The following EYS variants were observed in gnomAD, a reference collection of about 807,000 sequenced individuals.
The protein encoded by EYS is protein eyes shut homolog.
In EYS, 250 loss-of-function variants were observed where a neutral mutation model predicts 282.1. That is an observed-to-expected ratio of 0.89 (90% CI 0.80 to 0.98). EYS has a LOEUF of 0.98. Among genes scored for constraint, EYS ranks in the 50% least tolerant of loss-of-function variants. The pLI is 0.00. For missense variants in EYS, 4,016 were observed against 3,709.0 expected, an observed-to-expected ratio of 1.08 and a Z score of -2.15; for synonymous variants, 1,355 against 1,282.9, an observed-to-expected ratio of 1.06 and a Z score of -1.20.
intron 14 of EYS, among the ~76,000 whole-genome samples, chr6:64,969,012 T>C (rs1230390198): frequency 6.6e-6 from 1 of 152,106 alleles, no homozygotes; most frequent in Non-Finnish European, 1.5e-5. Flanking sequence ...ATAATTGCTG[T>C]TCAAATTGTC....
At chr6:64,409,681 T>C (rs931899786) in intron 28 of EYS, among the ~76,000 whole-genome samples, 1 of 152,138 alleles carries the variant, frequency 6.6e-6, no homozygotes, top group Admixed American at 6.6e-5. Context: ...ATTGGCTTGT[T>C]TCAGAAAGTA....
intron 11 of EYS, among the ~76,000 whole-genome samples, chr6:65,325,164 C>T (rs1190998738): frequency 6.6e-6 from 1 of 152,110 alleles, no homozygotes; most frequent in Non-Finnish European, 1.5e-5. Context: ...TCTCCTCCTC[C>T]TCCTTACTCT....
intron 13 of EYS, among the ~76,000 whole-genome samples, chr6:65,037,405 C>A (rs1772802420): frequency 6.6e-6 from 1 of 151,736 alleles, no homozygotes; most frequent in Non-Finnish European, 1.5e-5. Flanking sequence ...GTACACCAAA[C>A]CTCCATGACA....
intron 32 of EYS, among the ~76,000 whole-genome samples, chr6:64,068,036 G>T (rs1018941930): frequency 1.3e-5 from 2 of 152,048 alleles, no homozygotes; most frequent in African/African-American, 2.4e-5. Flanking sequence ...CTGTCAGAAA[G>T]TATAAATATG....
chr6:64,203,593 C>T (rs768415087), intron 31 of EYS, among the ~76,000 whole-genome samples: 2 of 152,006 alleles, frequency 1.3e-5, no homozygotes, highest in Non-Finnish European at 2.9e-5. Flanking sequence ...CCTCTGACCA[C>T]GTTTTTCTGT....
intron 31 of EYS, among the ~76,000 whole-genome samples, chr6:64,222,346 G>A (rs529931339): frequency 2.6e-5 from 4 of 152,156 alleles, no homozygotes; most frequent in East Asian, 1.9e-4. Context: ...AACAATGTCT[G>A]AAAATGAATT....
chr6:64,483,565 T>C (rs1405809184), intron 26 of EYS, among the ~76,000 whole-genome samples: 1 of 151,626 alleles, frequency 6.6e-6, no homozygotes, highest in Non-Finnish European at 1.5e-5. Flanking sequence ...CCTCCTTCTC[T>C]CTGGTGACCC....
intron 12 of EYS, among the ~76,000 whole-genome samples, chr6:65,202,405 C>A (rs1454575743): frequency 6.6e-6 from 1 of 151,982 alleles, no homozygotes; most frequent in African/African-American, 2.4e-5. Flanking sequence ...TTTGTGAAAG[C>A]TGTGAAGCAT....
rs557990728 is a variant in EYS, at chr6:63,888,482, G to A, written c.7056-24124C>T. 2.6e-5 allele frequency among the ~76,000 whole-genome samples: 4 copies of A among 152,334 alleles called. No homozygotes were observed. The Middle Eastern group carries it at 0.014, about 518-fold the overall frequency. On this transcript the variant is annotated intron_variant, in intron 35 of 42. Coordinates refer to ENST00000503581, the MANE Select transcript of EYS (RefSeq NM_001142800.2). Reference sequence around the variant, plus strand: ...TTGCTGTTCTGCAGCCTCCATTGGCGATACCCAGGGAAACAAGGTCTGGAG... The same window carrying A: ...TTGCTGTTCTGCAGCCTCCATTGGCAATACCCAGGGAAACAAGGTCTGGAG...
At chr6:64,122,013 T>A (rs1562211955) in intron 31 of EYS, among the ~76,000 whole-genome samples, 1 of 152,198 alleles carries the variant, frequency 6.6e-6, no homozygotes, top group Non-Finnish European at 1.5e-5. Context: ...AGCATTATAT[T>A]TAGTAATGAT....
intron 5 of EYS, among the ~76,000 whole-genome samples, chr6:65,408,697 TAAG>T (rs1287995960): frequency 2.0e-5 from 3 of 152,188 alleles, no homozygotes; most frequent in Non-Finnish European, 4.4e-5. Context: ...TGATTTTCTC[TAAG>T]AAGTTTTAAT....
At chr6:65,332,403 G>A (rs570679667) in intron 11 of EYS, 6 of 1,314,308 alleles carry the variant, frequency 4.6e-6, no homozygotes, top group South Asian at 2.5e-5. Context: ...TGGTATCACC[G>A]TGTTGAGGAT....
chr6:65,096,710 T>C (rs1166809347), intron 12 of EYS, among the ~76,000 whole-genome samples: 1 of 151,052 alleles, frequency 6.6e-6, no homozygotes. Context: ...TTTGGTCAAT[T>C]GTACTTTAAC....
intron 26 of EYS, among the ~76,000 whole-genome samples, chr6:64,575,253 C>T (rs1449790710): frequency 6.6e-6 from 1 of 151,912 alleles, no homozygotes; most frequent in African/African-American, 2.4e-5. Flanking sequence ...GGATTAAAAT[C>T]CTTTTTAGAA....
At chr6:64,394,870 G>A (rs1773303215) in intron 28 of EYS, among the ~76,000 whole-genome samples, 1 of 152,128 alleles carries the variant, frequency 6.6e-6, no homozygotes, top group Non-Finnish European at 1.5e-5. Context: ...GAAAATTTTT[G>A]CAACCTACTC....
intron 12 of EYS, among the ~76,000 whole-genome samples, chr6:65,087,430 C>A (rs2150175359): frequency 6.6e-6 from 1 of 152,248 alleles, no homozygotes; most frequent in East Asian, 1.9e-4. Context: ...AAATTGTCAA[C>A]AATTCCTTAC....
At chr6:63,788,789 A>G (rs1265378361) in intron 38 of EYS, among the ~76,000 whole-genome samples, 1 of 151,974 alleles carries the variant, frequency 6.6e-6, no homozygotes, top group East Asian at 1.9e-4. Context: ...CTCTTTCTTA[A>G]CTCCTATTTG....
chr6:64,422,289 C>A (rs1309655813), intron 28 of EYS, among the ~76,000 whole-genome samples: 3 of 152,054 alleles, frequency 2.0e-5, no homozygotes, highest in Admixed American at 2.0e-4. Flanking sequence ...CACTCAATTG[C>A]CTCATTCCAT....
chr6:63,930,835 T>A (rs1764870262), intron 35 of EYS, among the ~76,000 whole-genome samples: 2 of 152,148 alleles, frequency 1.3e-5, no homozygotes, highest in Admixed American at 1.3e-4. Flanking sequence ...AACCCACCCC[T>A]TTATCCTAGT....
Sources: allele counts gnomAD v4.1 joint callset (sites outside exome capture counted in the v4.1 genomes callset), GRCh38; gene constraint gnomAD v4.1.1; transcripts MANE v1.5; gene names NCBI Gene and HGNC (gene_info 2026-07-23, HGNC 2026-07-21).